Variants in CCDC102B observed in about 807,000 individuals in gnomAD.
CCDC102B encodes coiled-coil domain-containing protein 102B.
Under a neutral mutation model 57.4 loss-of-function variants are expected in CCDC102B, and 75 were observed. The observed-to-expected ratio is 1.31, with a 90% CI of 1.08 to 1.58. The LOEUF is 1.58. CCDC102B is among the 40% of genes most tolerant of loss of function. CCDC102B has a pLI of 0.00. For synonymous variants in CCDC102B, 206 were observed against 201.9 expected (o/e 1.02, Z -0.17); for missense variants, 636 against 582.6 (o/e 1.09, Z -0.94).
intron 6 of CCDC102B, among the ~76,000 whole-genome samples, chr18:68,926,746 G>A (rs2041487220): frequency 6.6e-6 from 1 of 151,810 alleles, no homozygotes; most frequent in Admixed American, 6.6e-5. Context: ...ACGTATATTT[G>A]TGAAGTTAGA....
chr18:68,926,315 G>A (rs569991317), intron 6 of CCDC102B, among the ~76,000 whole-genome samples: 36 of 151,720 alleles, frequency 2.4e-4, no homozygotes, highest in Middle Eastern at 6.9e-3. Context: ...ATTTTTTAAT[G>A]ACTACTTCTG....
At chr18:68,943,143 A>G (rs984896242) in intron 6 of CCDC102B, among the ~76,000 whole-genome samples, 6 of 149,910 alleles carry the variant, frequency 4.0e-5, no homozygotes, top group African/African-American at 1.2e-4. Flanking sequence ...AAGGCAGAAG[A>G]ATTTTTCTTA....
chr18:69,004,580 C>T (rs1037648984), intron 6 of CCDC102B, among the ~76,000 whole-genome samples: 1 of 152,114 alleles, frequency 6.6e-6, no homozygotes, highest in Non-Finnish European at 1.5e-5. Context: ...AGGGCAGAAA[C>T]TTCCTGTCAC....
intron 3 of CCDC102B, among the ~76,000 whole-genome samples, chr18:68,844,768 C>G (rs1248049435): frequency 6.6e-6 from 1 of 151,784 alleles, no homozygotes; most frequent in East Asian, 1.9e-4. Context: ...CTCATCATCT[C>G]AAACGCAAGT....
intron 2 of CCDC102B, among the ~76,000 whole-genome samples, chr18:68,722,945 T>G (rs909649113): frequency 1.3e-5 from 2 of 151,002 alleles, no homozygotes; most frequent in Non-Finnish European, 2.9e-5. Context: ...AGTGCAGGTT[T>G]GTTATGTGGG....
chr18:68,777,031 T>C (rs2144625957), intron 2 of CCDC102B, among the ~76,000 whole-genome samples: 1 of 152,314 alleles, frequency 6.6e-6, no homozygotes, highest in East Asian at 1.9e-4. Context: ...GAAATATTTG[T>C]GATCTTGGTT....
intron 6 of CCDC102B, among the ~76,000 whole-genome samples, chr18:68,999,712 G>A (rs1425110158): frequency 6.6e-6 from 1 of 152,148 alleles, no homozygotes; most frequent in Non-Finnish European, 1.5e-5. Flanking sequence ...ACTCATGTCT[G>A]TCTTATGTTG....
chr18:68,911,974 T>G (rs554557145), intron 6 of CCDC102B, among the ~76,000 whole-genome samples: 7 of 152,206 alleles, frequency 4.6e-5, no homozygotes, highest in Non-Finnish European at 7.4e-5. Context: ...AATCCCATTT[T>G]GGTTTTGTAA....
At chr18:68,932,284 A>G (rs1439710877) in intron 6 of CCDC102B, among the ~76,000 whole-genome samples, 1 of 151,810 alleles carries the variant, frequency 6.6e-6, no homozygotes, top group Non-Finnish European at 1.5e-5. Context: ...TAACTGTATT[A>G]TTCTATAAAT....
chr18:68,958,226 A>G (rs1344567616), intron 6 of CCDC102B, among the ~76,000 whole-genome samples: 1 of 152,200 alleles, frequency 6.6e-6, no homozygotes, highest in Non-Finnish European at 1.5e-5. Context: ...GCAATTCAAG[A>G]TGAGATTTGG....
At chr18:68,910,993 T>G (rs1401180763) in intron 6 of CCDC102B, among the ~76,000 whole-genome samples, 1 of 151,404 alleles carries the variant, frequency 6.6e-6, no homozygotes, top group African/African-American at 2.4e-5. Flanking sequence ...GGTGGGAGTG[T>G]AAATGAGTTC....
At chr18:68,971,963 T>C (rs1195769718) in intron 6 of CCDC102B, among the ~76,000 whole-genome samples, 2 of 152,196 alleles carry the variant, frequency 1.3e-5, no homozygotes, top group Non-Finnish European at 2.9e-5. Flanking sequence ...TCAATGTCTG[T>C]ACTTTGACTC....
At chr18:69,011,348 G>A (rs1367365872) in intron 7 of CCDC102B, 2 of 432,466 alleles carry the variant, frequency 4.6e-6, no homozygotes, top group African/African-American at 2.3e-5. Flanking sequence ...GCATGACCTT[G>A]TGTGCACGTG....
chr18:68,841,299 A>G (rs1032975712), intron 3 of CCDC102B, among the ~76,000 whole-genome samples: 1 of 151,964 alleles, frequency 6.6e-6, no homozygotes, highest in Admixed American at 6.6e-5. Flanking sequence ...AAACTCAGGG[A>G]CTCATTTTTT....
At chr18:68,848,572 T>C (rs561842015) in intron 4 of CCDC102B, among the ~76,000 whole-genome samples, 95 of 152,182 alleles carry the variant, frequency 6.2e-4, no homozygotes, top group Admixed American at 9.2e-4. Context: ...AAGAATTTAA[T>C]TGTAAAATCT....
chr18:68,813,647 AG>A (rs1222304872), intron 1 of CCDC102B, among the ~76,000 whole-genome samples: 1 of 152,078 alleles, frequency 6.6e-6, no homozygotes, highest in Non-Finnish European at 1.5e-5. Flanking sequence ...AGTGGAGCCC[AG>A]GCGAGGGGAG....
At chr18:68,966,081 G>A (rs1025230588) in intron 6 of CCDC102B, among the ~76,000 whole-genome samples, 1 of 152,252 alleles carries the variant, frequency 6.6e-6, no homozygotes, top group East Asian at 1.9e-4. Flanking sequence ...GAACACTGTG[G>A]TGTGGTTTTA....
chr18:68,763,796 A>C (rs1216706649), intron 2 of CCDC102B, among the ~76,000 whole-genome samples: 4 of 148,908 alleles, frequency 2.7e-5, no homozygotes, highest in Non-Finnish European at 5.9e-5. Flanking sequence ...AGTAGAACCT[A>C]GCATTTTTTT....
intron 1 of CCDC102B, among the ~76,000 whole-genome samples, chr18:68,820,023 TTTTA>T (rs1332103451): frequency 2.0e-5 from 3 of 152,110 alleles, no homozygotes; most frequent in Non-Finnish European, 4.4e-5. Context: ...AAAATGAGAG[TTTTA>T]TTTATTTTCA....
Sources: allele counts gnomAD v4.1 joint callset (sites outside exome capture counted in the v4.1 genomes callset), GRCh38; gene constraint gnomAD v4.1.1; transcripts MANE v1.5; gene names NCBI Gene and HGNC (gene_info 2026-07-23, HGNC 2026-07-21).